Variants in NRG1 observed in about 807,000 individuals in gnomAD.
NRG1 encodes pro-neuregulin-1, membrane-bound isoform.
A neutral mutation model predicts 63.8 loss-of-function variants in NRG1; 18 were observed. The observed-to-expected ratio is 0.28, with a 90% CI of 0.19 to 0.42. The LOEUF (loss-of-function observed/expected upper bound fraction) is 0.42. NRG1 is among the 10% of genes least tolerant of loss of function. NRG1 has a pLI of 1.00. For synonymous variants in NRG1, 302 were observed against 301.3 expected (o/e 1.00, Z -0.02); for missense variants, 762 against 814.7 (o/e 0.94, Z 0.79).
chr8:31,839,118 C>T (rs992436190), intron 1 of NRG1, among the ~76,000 whole-genome samples: 2 of 152,126 alleles, frequency 1.3e-5, no homozygotes, highest in Non-Finnish European at 2.9e-5. Flanking sequence ...AATTTGAGGT[C>T]TCCATAGGTT....
At chr8:32,120,238 T>TA (rs1174149644) in intron 1 of NRG1, among the ~76,000 whole-genome samples, 2 of 152,096 alleles carry the variant, frequency 1.3e-5, no homozygotes, top group Non-Finnish European at 2.9e-5. Flanking sequence ...TCTACATTTA[T>TA]ATTAGAAAAC....
intron 6 of NRG1, among the ~76,000 whole-genome samples, chr8:32,739,356 G>T (rs1825829843): frequency 1.3e-5 from 2 of 152,120 alleles, no homozygotes; most frequent in African/African-American, 4.8e-5. Flanking sequence ...TCAGTTCTAA[G>T]TAATAACAGG....
intron 1 of NRG1, among the ~76,000 whole-genome samples, chr8:32,179,835 T>C (rs1841238707): frequency 6.6e-6 from 1 of 152,200 alleles, no homozygotes; most frequent in South Asian, 2.1e-4. Flanking sequence ...TTATAGTATT[T>C]AGTTTCTACT....
At chr8:31,836,272 T>C (rs1188658623) in intron 1 of NRG1, among the ~76,000 whole-genome samples, 5 of 152,290 alleles carry the variant, frequency 3.3e-5, no homozygotes, top group East Asian at 1.9e-4. Context: ...TACAAAAGCA[T>C]TGTAACAGAA....
chr8:32,089,294 C>T (rs1426617880), intron 1 of NRG1, among the ~76,000 whole-genome samples: 1 of 152,194 alleles, frequency 6.6e-6, no homozygotes, highest in Non-Finnish European at 1.5e-5. Flanking sequence ...AAGAGTAAAC[C>T]TCTGTAAAGA....
chr8:31,640,124 GGGCGGCGGCCGGCAACGA>G lies in NRG1; in HGVS notation c.37+700_37+717del, dbSNP rs1803593582. ...CTGGGGACCGCGGCCCTGGCGCCGG[GGGCGGCGGCCGGCAACGA>G]GGCGGCTCCCGCGGGGGCCTCGGTG... On this transcript the variant is annotated intron_variant, in intron 1 of 10. Transcript: ENST00000519301. The surrounding 1 kb of genome is among the most constrained non-coding windows in gnomAD (Gnocchi z 6.3). The G allele has an allele frequency of 1.7e-6, 2 of 1,155,858 alleles. No homozygotes were observed. Among genetic ancestry groups the G allele is most frequent in the African/African-American group, 3.3e-5 (2 of 60,876 alleles). The allele number at this position is 1,155,858 out of a possible 1,614,324, so 71.6% of individuals were successfully genotyped here.
intron 1 of NRG1, among the ~76,000 whole-genome samples, chr8:32,525,973 T>C (rs376809920): frequency 7.2e-5 from 11 of 152,214 alleles, no homozygotes; most frequent in African/African-American, 2.7e-4. Context: ...CCCATTTTAT[T>C]TCTTTACTTA....
At chr8:32,735,913 G>A (rs928875757) in intron 6 of NRG1, among the ~76,000 whole-genome samples, 1 of 151,990 alleles carries the variant, frequency 6.6e-6, no homozygotes, top group Non-Finnish European at 1.5e-5. Flanking sequence ...GTTTGGTTTG[G>A]TTTTGTTTTT....
In NRG1 at chr8:32,315,008, T is replaced by C. The variant is rs192699907; in HGVS notation, c.38-280820T>C. ...TCCTCCAAGAAGCTCTTCTCGACTT[T>C]CTGCCTGCAGACCCTCATCTAAGCT... On this transcript the variant is annotated intron_variant, in intron 1 of 10. Transcript: ENST00000519301. 6.9e-4 allele frequency among the ~76,000 whole-genome samples: 103 copies of C among 149,348 alleles called. 1 individual carries two copies. The East Asian group carries it at 0.017, about 25-fold the overall frequency.
intron 6 of NRG1, among the ~76,000 whole-genome samples, chr8:32,736,775 G>A (rs1825172249): frequency 6.6e-6 from 1 of 151,902 alleles, no homozygotes; most frequent in African/African-American, 2.4e-5. Flanking sequence ...AGAAGAGAAA[G>A]GATGTCTAAG....
Position 32,561,862 on chromosome 8 carries a change from G to C in NRG1, c.100+13036G>C, listed in dbSNP as rs529911878. Among the ~76,000 whole-genome samples, 187 of 151,832 alleles carry C rather than the reference G, an allele frequency of 1.2e-3. 1 individual carries two copies. Among genetic ancestry groups the C allele is most frequent in the Non-Finnish European group, 1.8e-3 (119 of 67,952 alleles). Reference sequence around the variant, plus strand: ...TTATTTAGGGTTTTTGGGGGGTGGGGGGTGGAGGAGCTTGGGGGAATGAGA... The same window carrying C: ...TTATTTAGGGTTTTTGGGGGGTGGGCGGTGGAGGAGCTTGGGGGAATGAGA... On this transcript the variant is annotated intron_variant, in intron 1 of 11. Transcript: ENST00000356819.
At chr8:32,141,544 G>A (rs7001016) in intron 1 of NRG1, among the ~76,000 whole-genome samples, 2,744 of 102,276 alleles carry the variant, frequency 0.027, 72 homozygotes, top group African/African-American at 0.076. Context: ...GTGTGTGTGT[G>A]TATATATATA....
intron 1 of NRG1, among the ~76,000 whole-genome samples, chr8:31,669,289 G>A (rs1372068073): frequency 1.3e-5 from 2 of 151,352 alleles, no homozygotes; most frequent in Non-Finnish European, 2.9e-5. Flanking sequence ...CCAGGCTGGA[G>A]CACAATGGAG....
intron 1 of NRG1, among the ~76,000 whole-genome samples, chr8:32,230,552 T>C (rs1416691532): frequency 6.6e-6 from 1 of 151,998 alleles, no homozygotes; most frequent in East Asian, 1.9e-4. Flanking sequence ...CTAAAACATT[T>C]TGAGCAGAGA....
chr8:32,404,731 T>G (rs1430058125), intron 1 of NRG1, among the ~76,000 whole-genome samples: 1 of 151,884 alleles, frequency 6.6e-6, no homozygotes, highest in Non-Finnish European at 1.5e-5. Flanking sequence ...GCTACAGGCT[T>G]GCACCACCAC....
At chr8:32,046,111 A>G (rs931524859) in intron 1 of NRG1, among the ~76,000 whole-genome samples, 1 of 130,824 alleles carries the variant, frequency 7.6e-6, no homozygotes, top group African/African-American at 2.7e-5. Flanking sequence ...AATACAAAGA[A>G]CACGATTTAA....
At chr8:31,850,068 T>A (rs1413708043) in intron 1 of NRG1, among the ~76,000 whole-genome samples, 4 of 152,176 alleles carry the variant, frequency 2.6e-5, no homozygotes, top group Non-Finnish European at 5.9e-5. Context: ...GTTCTGTCTC[T>A]TGATGGGTAT....
At chr8:31,691,300 G>A (rs775254019) in intron 1 of NRG1, among the ~76,000 whole-genome samples, 19 of 152,126 alleles carry the variant, frequency 1.2e-4, no homozygotes, top group Admixed American at 2.0e-4. Flanking sequence ...AGCAAGTGAT[G>A]GAAATTAACA....
At position 31,834,333 on chromosome 8, in the gene NRG1, A is replaced by ACACACACG. The variant is rs1415012765; in HGVS notation, c.37+194905_37+194906insACACGCAC. The stretch of plus-strand genomic sequence containing the variant: ...CACACACACACACACACACACACGC[A>ACACACACG]CACCAATTTGTTTAAAATAAAAAAA... On this transcript the variant is annotated intron_variant, in intron 1 of 10. Transcript: ENST00000519301. Among the ~76,000 whole-genome samples, 219 of 151,332 alleles carry ACACACACG rather than the reference A, an allele frequency of 1.4e-3. 2 individuals are homozygous for ACACACACG. Among genetic ancestry groups the ACACACACG allele is most frequent in the South Asian group, 8.8e-3 (42 of 4,776 alleles).
Sources: allele counts gnomAD v4.1 joint callset (sites outside exome capture counted in the v4.1 genomes callset), GRCh38; gene constraint gnomAD v4.1.1; non-coding constraint Gnocchi (gnomAD v3.1); transcripts MANE v1.5; gene names NCBI Gene and HGNC (gene_info 2026-07-23, HGNC 2026-07-21).